COMMD1: variants seen among roughly 807,000 people sequenced by gnomAD.
The protein encoded by COMMD1 is copper metabolism domain containing 1.
Under a neutral mutation model 17.2 loss-of-function variants are expected in COMMD1, and 10 were observed. The observed-to-expected ratio is 0.58, with a 90% CI of 0.36 to 0.99. The LOEUF (loss-of-function observed/expected upper bound fraction) is 0.99, where lower values mean the gene tolerates loss of function less well. Ranked by LOEUF, COMMD1 falls within the 50% of genes least tolerant of loss-of-function variation. The probability of loss-of-function intolerance (pLI) is 0.01; values close to 1 mark genes in which losing one functional copy is unlikely to be tolerated. For synonymous variants in COMMD1, 97 were observed against 91.6 expected, an observed-to-expected ratio of 1.06 and a Z score of -0.34; for missense variants, 270 against 231.8, an observed-to-expected ratio of 1.17 and a Z score of -1.07.
At chr2:62,019,269 G>C (rs1573077966) in intron 2 of COMMD1, among the ~76,000 whole-genome samples, 1 of 151,814 alleles carries the variant, frequency 6.6e-6, no homozygotes, top group East Asian at 1.9e-4. Context: ...TGCCTCCTGG[G>C]TTCAAGCAAT....
intron 2 of COMMD1, among the ~76,000 whole-genome samples, chr2:62,002,767 A>G (rs1668986585): frequency 6.6e-6 from 1 of 151,486 alleles, no homozygotes; most frequent in Non-Finnish European, 1.5e-5. Context: ...GAGGCAGGAG[A>G]ATTGCTTCAT....
At chr2:61,918,728 C>G (rs1275340069) in intron 1 of COMMD1, 2 of 152,088 alleles carry the variant, frequency 1.3e-5, no homozygotes, top group African/African-American at 4.8e-5. Flanking sequence ...GTCACTGTCC[C>G]TATCTTATAT....
chr2:62,030,463 A>G (rs931526882), intron 2 of COMMD1, among the ~76,000 whole-genome samples: 3 of 152,150 alleles, frequency 2.0e-5, no homozygotes, highest in Non-Finnish European at 4.4e-5. Context: ...GCAGCATCGC[A>G]GGTCTCTAGC....
upstream of COMMD1, chr2:61,888,456 C>T (rs1334203901): frequency 1.2e-6 from 2 of 1,611,668 alleles, no homozygotes; most frequent in South Asian, 2.2e-5. Flanking sequence ...TTCCCGCGGC[C>T]GCCGGCAGCC....
In COMMD1 at chr2:61,895,078, T is replaced by C. The variant is rs144660929; in HGVS notation, n.119+6236T>C. Among the ~76,000 whole-genome samples the C allele has an allele frequency of 1.2e-4, 18 of 152,302 alleles. No individual in the cohort carries two copies. The East Asian group carries it at 3.5e-3, about 29-fold the overall frequency. ...AAAACTCTTTAGGACAAATGACCTATAAATAAATTGCAAGAAAATTAACAA... is the reference window on the plus strand; with the variant it reads ...AAAACTCTTTAGGACAAATGACCTACAAATAAATTGCAAGAAAATTAACAA... On this transcript the variant is annotated intron_variant and non_coding_transcript_variant, in intron 1 of 2. Coordinates refer to the COMMD1 transcript ENST00000472729.
At chr2:61,902,769 T>C (rs564848056), upstream of COMMD1, among the ~76,000 whole-genome samples, 2 of 152,058 alleles carry the variant, frequency 1.3e-5, no homozygotes, top group South Asian at 4.2e-4. Flanking sequence ...AACTTGGGCC[T>C]GGGAGGTCGA....
At chr2:61,935,624 T>C (rs932667597) in intron 1 of COMMD1, among the ~76,000 whole-genome samples, 2 of 149,860 alleles carry the variant, frequency 1.3e-5, no homozygotes, top group Non-Finnish European at 2.9e-5. Flanking sequence ...AGAGCAAGAC[T>C]CTGTTTCAAA....
intron 2 of COMMD1, among the ~76,000 whole-genome samples, chr2:62,134,719 A>C (rs1407503049): frequency 6.6e-6 from 1 of 152,026 alleles, no homozygotes; most frequent in Non-Finnish European, 1.5e-5. Flanking sequence ...TTGAGGCTAC[A>C]GTGAGCTATG....
At chr2:61,898,783 A>C (rs965095607) in intron 1 of COMMD1, among the ~76,000 whole-genome samples, 5 of 152,294 alleles carry the variant, frequency 3.3e-5, no homozygotes, top group African/African-American at 1.2e-4. Context: ...TTAGGTATTT[A>C]TAATTTCCCT....
At chr2:61,996,203 AC>A (rs1352458442) in intron 1 of COMMD1, among the ~76,000 whole-genome samples, 1 of 152,122 alleles carries the variant, frequency 6.6e-6, no homozygotes, top group Non-Finnish European at 1.5e-5. Flanking sequence ...CCCAAAAAAA[AC>A]CTAAAAACTT....
At chr2:62,022,926 A>C (rs1045486911) in intron 2 of COMMD1, among the ~76,000 whole-genome samples, 1 of 152,102 alleles carries the variant, frequency 6.6e-6, no homozygotes, top group African/African-American at 2.4e-5. Flanking sequence ...CATTTATATA[A>C]AGCTTTTCAG....
chr2:61,991,237 A>G (rs1248112550), intron 1 of COMMD1, among the ~76,000 whole-genome samples: 1 of 152,094 alleles, frequency 6.6e-6, no homozygotes, highest in Admixed American at 6.6e-5. Context: ...AGAAATCAGC[A>G]CCCTGAATTA....
At chr2:61,986,722 C>T (rs1325833921) in intron 1 of COMMD1, among the ~76,000 whole-genome samples, 1 of 151,826 alleles carries the variant, frequency 6.6e-6, no homozygotes, top group Non-Finnish European at 1.5e-5. Context: ...GCAAGCGCCA[C>T]CATGCCTGGC....
In COMMD1 at chr2:61,888,752, A is replaced by G. The variant is rs535224881; in HGVS notation, n.29A>G. The G allele has an allele frequency of 4.1e-4, 219 of 529,442 alleles. 5 individuals carry two copies. The South Asian group carries it at 5.1e-3, about 12-fold the overall frequency. 32.8% of individuals were successfully genotyped at this position (529,442 alleles called of 1,614,324 possible). A position where few individuals can be genotyped will look rare whatever the true frequency, so the allele number is the denominator to read the frequency against. On this transcript the variant is annotated non_coding_transcript_exon_variant, in exon 1 of 3. Transcript: ENST00000472729. ...GCGTGCGGTGGGCTCCGGGCTGGCG[A>G]GATTGTACGCCCGGGGCGCTGTGGG...
chr2:62,046,372 G>A (rs1488525247), intron 2 of COMMD1, among the ~76,000 whole-genome samples: 1 of 152,202 alleles, frequency 6.6e-6, no homozygotes, highest in Admixed American at 6.5e-5. Context: ...TTTTATGATA[G>A]TGTGAACAAA....
intron 2 of COMMD1, among the ~76,000 whole-genome samples, chr2:62,023,189 G>A (rs1669658113): frequency 6.6e-6 from 1 of 150,798 alleles, no homozygotes; most frequent in African/African-American, 2.4e-5. Context: ...TCGTGCCATT[G>A]TACTCCAGCC....
Position 62,129,883 on chromosome 2 carries a change from G to C in COMMD1, c.463-5948G>C, listed in dbSNP as rs17019577. On this transcript the variant is annotated intron_variant, in intron 2 of 2. Coordinates refer to ENST00000311832, the MANE Select transcript of COMMD1 (RefSeq NM_152516.4). The stretch of plus-strand genomic sequence containing the variant: ...ATGGCCAAAGTTTGTGCTCAATAAA[G>C]AGTCCCTTTGAGCCGGGCGCCGTGG... Among the ~76,000 whole-genome samples, 1,203 of 152,296 alleles carry C rather than the reference G, an allele frequency of 7.9e-3. 20 individuals are homozygous for C. Among genetic ancestry groups the C allele is most frequent in the African/African-American group, 0.026 (1,099 of 41,570 alleles).
chr2:61,913,303 G>T (rs1669957810), intron 1 of COMMD1, among the ~76,000 whole-genome samples: 1 of 146,412 alleles, frequency 6.8e-6, no homozygotes, highest in African/African-American at 2.6e-5. Flanking sequence ...GGAGGCGGAG[G>T]TTGTGGTGAG....
intron 2 of COMMD1, among the ~76,000 whole-genome samples, chr2:62,011,628 C>T (rs984341295): frequency 6.6e-6 from 1 of 152,028 alleles, no homozygotes; most frequent in Non-Finnish European, 1.5e-5. Context: ...GTGTCAGACA[C>T]TACATAGGAG....
Sources: allele counts gnomAD v4.1 joint callset (sites outside exome capture counted in the v4.1 genomes callset), GRCh38; gene constraint gnomAD v4.1.1; transcripts MANE v1.5; gene names NCBI Gene and HGNC (gene_info 2026-07-23, HGNC 2026-07-21).